The following STAG1 variants were observed in gnomAD, a reference collection of about 807,000 sequenced individuals.
STAG1 encodes the protein cohesin subunit SA-1.
In STAG1, 26 loss-of-function variants were observed where a neutral mutation model predicts 170.9. That is an observed-to-expected ratio of 0.15 (90% CI 0.11 to 0.21). STAG1 has a LOEUF of 0.21. Among genes scored for constraint, STAG1 ranks in the 10% least tolerant of loss-of-function variants. STAG1 has a pLI of 1.00. For synonymous variants in STAG1, 514 were observed against 497.7 expected, an observed-to-expected ratio of 1.03 and a Z score of -0.44; for missense variants, 964 against 1,509.5, an observed-to-expected ratio of 0.64 and a Z score of 5.99.
chr3:136,525,381 G>T (rs550607208), intron 6 of STAG1, among the ~76,000 whole-genome samples: 1 of 152,106 alleles, frequency 6.6e-6, no homozygotes, highest in Non-Finnish European at 1.5e-5. Flanking sequence ...GTTTATTTGC[G>T]TAGAGGTGTT....
chr3:136,722,809 A>T (rs61790805), intron 1 of STAG1, among the ~76,000 whole-genome samples: 36,957 of 151,834 alleles, frequency 0.24, 4,688 homozygotes, highest in African/African-American at 0.29. Context: ...CTCCTGCCTC[A>T]GCCTGCCGAG....
intron 3 of STAG1, among the ~76,000 whole-genome samples, chr3:136,619,040 C>A (rs1413764129): frequency 4.0e-5 from 6 of 151,804 alleles, no homozygotes; most frequent in Admixed American, 3.3e-4. Flanking sequence ...TGTGTACATA[C>A]ATAGAGGAGA....
chr3:136,735,446 T>C (rs2107944618), intron 1 of STAG1, among the ~76,000 whole-genome samples: 1 of 151,590 alleles, frequency 6.6e-6, no homozygotes, highest in South Asian at 2.1e-4. Flanking sequence ...ATTTTTTTTT[T>C]CCTTTTTTGA....
chr3:136,725,495 C>T (rs545091866), intron 1 of STAG1, among the ~76,000 whole-genome samples: 1 of 152,106 alleles, frequency 6.6e-6, no homozygotes, highest in Non-Finnish European at 1.5e-5. Flanking sequence ...TCTGTATTAG[C>T]AAGTTAAGTA....
chr3:136,466,175 G>A (rs936235004), intron 12 of STAG1, among the ~76,000 whole-genome samples: 6 of 152,222 alleles, frequency 3.9e-5, no homozygotes, highest in Admixed American at 2.0e-4. Context: ...CGAGCTGACA[G>A]AAGAAGGCTA....
At chr3:136,455,147 T>G (rs1345700039) in intron 13 of STAG1, among the ~76,000 whole-genome samples, 1 of 152,168 alleles carries the variant, frequency 6.6e-6, no homozygotes, top group Non-Finnish European at 1.5e-5. Context: ...GTGGCAGATA[T>G]TCTAATAAAA....
intron 15 of STAG1, among the ~76,000 whole-genome samples, chr3:136,439,016 G>C (rs966141732): frequency 1.3e-5 from 2 of 151,376 alleles, no homozygotes; most frequent in Admixed American, 6.6e-5. Context: ...GGCCAACATG[G>C]GGAAACCGAT....
intron 1 of STAG1, among the ~76,000 whole-genome samples, chr3:136,709,726 C>T (rs1396502854): frequency 9.7e-6 from 1 of 103,078 alleles, no homozygotes; most frequent in Admixed American, 9.2e-5. Flanking sequence ...CAGAACAAGA[C>T]CCTCTCTCTA....
chr3:136,631,160 G>C (rs1940314331), intron 1 of STAG1, among the ~76,000 whole-genome samples, 179 bp from the exon 2 acceptor site: 1 of 152,150 alleles, frequency 6.6e-6, no homozygotes, highest in Admixed American at 6.6e-5. Flanking sequence ...AAACTTGGAA[G>C]CAACTAAGAT....
At chr3:136,477,246 G>T (rs752461296) in intron 10 of STAG1, 43 bp downstream of exon 10, 4 of 1,550,026 alleles carry the variant, frequency 2.6e-6, no homozygotes, top group Admixed American at 3.9e-5. Flanking sequence ...TTAGTACTGA[G>T]ACAAACATAA....
chr3:136,545,691 G>T (rs1211909196), intron 5 of STAG1, among the ~76,000 whole-genome samples: 2 of 151,736 alleles, frequency 1.3e-5, no homozygotes, highest in Non-Finnish European at 2.9e-5. Flanking sequence ...CATGGGATCT[G>T]TCTAAACAGT....
rs752047790 is a variant in STAG1 at position 136,343,936 on chromosome 3, T to C, written c.3342A>G (p.Ala1114=). The C allele has an allele frequency of 6.2e-7, 1 of 1,612,508 alleles. No homozygotes were observed. The highest frequency in any genetic ancestry group is 1.7e-5 in the Admixed American group (1 of 59,778). The change falls in exon 30 of 34, where the codon GCA becomes GCG. Residue 1114 remains alanine (A), a synonymous_variant. Transcript: ENST00000383202. ...TMIQTPGPLP[A]PQLTSTVLRE... ...GCAGTACAGTGGATGTGAGTTGTGGTGCTGGCAGGGGGCCAGGAGTCTGAA... is the reference window on the plus strand; with the variant it reads ...GCAGTACAGTGGATGTGAGTTGTGGCGCTGGCAGGGGGCCAGGAGTCTGAA...
intron 9 of STAG1, among the ~76,000 whole-genome samples, chr3:136,490,721 A>G (rs992728947): frequency 1.3e-5 from 2 of 152,214 alleles, no homozygotes; most frequent in Non-Finnish European, 2.9e-5. Flanking sequence ...ATGGTATTGT[A>G]TAAGAATAGC....
intron 6 of STAG1, among the ~76,000 whole-genome samples, chr3:136,521,939 T>C (rs147375163): frequency 1.2e-4 from 18 of 152,358 alleles, no homozygotes; most frequent in African/African-American, 4.3e-4. Flanking sequence ...AATTTTACTA[T>C]GAACTTCATT....
intron 5 of STAG1, among the ~76,000 whole-genome samples, chr3:136,564,364 T>C (rs1043063542): frequency 4.6e-5 from 7 of 152,168 alleles, no homozygotes; most frequent in African/African-American, 1.7e-4. Flanking sequence ...AATGTAACAG[T>C]GTCTGCTTTC....
At chr3:136,498,731 GC>G (rs1412867661) in intron 9 of STAG1, among the ~76,000 whole-genome samples, 1 of 151,210 alleles carries the variant, frequency 6.6e-6, no homozygotes, top group Non-Finnish European at 1.5e-5. Context: ...GCAGGTATAT[GC>G]AAATCCTTGT....
chr3:136,642,512 C>T (rs536431150), intron 1 of STAG1, among the ~76,000 whole-genome samples: 3 of 152,052 alleles, frequency 2.0e-5, no homozygotes, highest in East Asian at 1.9e-4. Flanking sequence ...GTGATCCACC[C>T]GCCTCGGCCT....
At chr3:136,354,703 C>T (rs1479925450) in intron 28 of STAG1, among the ~76,000 whole-genome samples, 2 of 79,084 alleles carry the variant, frequency 2.5e-5, no homozygotes, top group African/African-American at 5.0e-5. Flanking sequence ...TAGTATGCTA[C>T]ACTAGAAAAC....
At chr3:136,409,889 G>A (rs1266437776) in intron 21 of STAG1, among the ~76,000 whole-genome samples, 1 of 151,886 alleles carries the variant, frequency 6.6e-6, no homozygotes, top group African/African-American at 2.4e-5. Context: ...GACCAGCCTG[G>A]GCAACATAGC....
Sources: gnomAD v4.1 joint callset for allele counts (sites outside exome capture counted in the v4.1 genomes callset) on GRCh38, gnomAD v4.1.1 for gene constraint, MANE v1.5 for transcripts, NCBI Gene and HGNC (gene_info 2026-07-23, HGNC 2026-07-21) for gene names.